FMN1: variants seen among roughly 807,000 people sequenced by gnomAD.
FMN1 encodes formin-1.
In FMN1, 110 loss-of-function variants were observed where a neutral mutation model predicts 132.4. The ratio of observed to expected loss-of-function variants is 0.83; its 90% confidence interval spans 0.71 to 0.97. The LOEUF (loss-of-function observed/expected upper bound fraction) is 0.97. Among genes scored for constraint, FMN1 ranks in the 50% least tolerant of loss-of-function variants. The pLI, the probability that FMN1 is intolerant of heterozygous loss-of-function variation, is 0.00. For synonymous variants in FMN1, 722 were observed against 651.7 expected (o/e 1.11, Z -1.64); for missense variants, 1,792 against 1,705.3 (o/e 1.05, Z -0.90).
At chr15:33,149,940 C>A (rs1964377407) in intron 4 of FMN1, 2 of 984,596 alleles carry the variant, frequency 2.0e-6, no homozygotes, top group Non-Finnish European at 1.2e-6. Flanking sequence ...TCATGTATGC[C>A]TCTTAACTCT....
chr15:33,068,890 C>T (rs1212016097), intron 5 of FMN1, among the ~76,000 whole-genome samples: 9 of 152,176 alleles, frequency 5.9e-5, no homozygotes, highest in Non-Finnish European at 1.0e-4. Flanking sequence ...CTGTGCCAAC[C>T]GCAGGCTTCT....
intron 6 of FMN1, among the ~76,000 whole-genome samples, chr15:33,018,596 G>A (rs570076883): frequency 2.6e-5 from 4 of 152,256 alleles, no homozygotes; most frequent in South Asian, 2.1e-4. Context: ...CCCTTCCCCC[G>A]TACCTTGTCC....
chr15:33,170,474 A>C (rs1290689514), intron 3 of FMN1, among the ~76,000 whole-genome samples: 2 of 152,000 alleles, frequency 1.3e-5, no homozygotes, highest in Non-Finnish European at 2.9e-5. Flanking sequence ...CAGCCTGTTG[A>C]ATGGGAGAAA....
rs1035247726 is a variant in FMN1, at chr15:33,116,588, A to T, written c.1868-27614T>A. ...TTAGTTTGTCGAAAGTTTTTTTTTT[A>T]ATTTTTTAACACCTCCCAGGCTTAA... On this transcript the variant is annotated intron_variant, in intron 4 of 20. Coordinates refer to ENST00000616417, the MANE Select transcript of FMN1 (RefSeq NM_001277313.2). Among the ~76,000 whole-genome samples, 4 of 151,610 alleles carry T rather than the reference A, an allele frequency of 2.6e-5. No homozygotes were observed. In the East Asian group the frequency reaches 5.8e-4, roughly 22 times the overall value.
At chr15:33,080,679 G>T (rs879692039) in intron 5 of FMN1, among the ~76,000 whole-genome samples, 18 of 152,108 alleles carry the variant, frequency 1.2e-4, no homozygotes, top group Non-Finnish European at 2.4e-4. Context: ...CTGAGGTTGG[G>T]AGTTCAAGAC....
chr15:32,917,556 G>T (rs1596268445), intron 10 of FMN1, among the ~76,000 whole-genome samples: 1 of 152,166 alleles, frequency 6.6e-6, no homozygotes, highest in Non-Finnish European at 1.5e-5. Flanking sequence ...TAAGTGTTTT[G>T]TATTTAATCA....
chr15:33,011,607 T>C (rs1306733712), intron 6 of FMN1, among the ~76,000 whole-genome samples: 1 of 152,114 alleles, frequency 6.6e-6, no homozygotes, highest in East Asian at 1.9e-4. Flanking sequence ...AACTTATTTT[T>C]CTTAAAATAT....
At chr15:33,104,484 G>A (rs1446587200) in intron 4 of FMN1, among the ~76,000 whole-genome samples, 3 of 130,216 alleles carry the variant, frequency 2.3e-5, no homozygotes, top group African/African-American at 1.0e-4. Context: ...CAGGAAGTTT[G>A]AAAGCCACAA....
At position 33,021,234 on chromosome 15, in the gene FMN1, C is replaced by A. The variant is rs1229836769; in HGVS notation, c.2162-13159G>T. Among the ~76,000 whole-genome samples the A allele has an allele frequency of 2.1e-5, 3 of 141,082 alleles. 1 individual carries two copies. In the South Asian group the frequency reaches 7.0e-4, roughly 33 times the overall value. The allele number at this position is 141,082 out of a possible 152,430, so 92.6% of individuals were successfully genotyped here. ...AAAAGCCCAAACCAGCTCAGCTGAA[C>A]CTTAGTTGACCTTTACACCTATGCT... On this transcript the variant is annotated intron_variant, in intron 6 of 20. Transcript: ENST00000616417.
chr15:33,188,281 G>A (rs1341164395), intron 2 of FMN1, among the ~76,000 whole-genome samples: 2 of 152,122 alleles, frequency 1.3e-5, no homozygotes, highest in Non-Finnish European at 2.9e-5. Context: ...CAGAGGTTGC[G>A]TTGAGCCAAG....
Position 33,153,301 on chromosome 15 carries a change from G to A in FMN1, c.1614C>T (p.Leu538=). 4 of 1,536,150 alleles carry A rather than the reference G, an allele frequency of 2.6e-6. No individual in the cohort carries two copies. Among genetic ancestry groups the A allele is most frequent in the South Asian group, 1.2e-5 (1 of 84,058 alleles). Reference sequence around the variant, plus strand: ...TCTCACCAGGCAATGCAGGGAGCCGGAGGATCCTGTGATGCTGCTGAGGGC... The same window carrying A: ...TCTCACCAGGCAATGCAGGGAGCCGAAGGATCCTGTGATGCTGCTGAGGGC... ...LPSPQQHHRI[L]RLPALPGERE... Residue 538 remains leucine, a synonymous_variant, in exon 4 of 21, where the codon CTC becomes CTT. Coordinates refer to ENST00000616417, the MANE Select transcript of FMN1 (RefSeq NM_001277313.2).
At chr15:32,792,769 C>T (rs2057134505) in intron 19 of FMN1, among the ~76,000 whole-genome samples, 1 of 152,160 alleles carries the variant, frequency 6.6e-6, no homozygotes, top group South Asian at 2.1e-4. Flanking sequence ...CAGTCCCCTT[C>T]CCACTGGCAG....
intron 17 of FMN1, among the ~76,000 whole-genome samples, chr15:32,825,997 A>G (rs2058355696): frequency 6.6e-6 from 1 of 152,250 alleles, no homozygotes; most frequent in African/African-American, 2.4e-5. Flanking sequence ...GAGGTCAAAC[A>G]ACAATGACAC....
intron 17 of FMN1, among the ~76,000 whole-genome samples, chr15:32,828,723 C>T (rs1450020865): frequency 6.6e-6 from 1 of 152,162 alleles, no homozygotes; most frequent in Non-Finnish European, 1.5e-5. Context: ...AGCCCTACCA[C>T]TTGGCTCATG....
chr15:32,925,641 T>G (rs2060941528), intron 10 of FMN1, among the ~76,000 whole-genome samples: 1 of 152,152 alleles, frequency 6.6e-6, no homozygotes. Context: ...TAACTATAAA[T>G]GAATGGATGA....
At chr15:32,933,872 C>T (rs1322860094) in intron 9 of FMN1, among the ~76,000 whole-genome samples, 1 of 152,028 alleles carries the variant, frequency 6.6e-6, no homozygotes, top group Non-Finnish European at 1.5e-5. Context: ...CAGCCTGTGT[C>T]CTTGAGTCTA....
intron 16 of FMN1, among the ~76,000 whole-genome samples, chr15:32,872,124 T>C (rs1271384159): frequency 6.6e-6 from 1 of 152,126 alleles, no homozygotes; most frequent in Non-Finnish European, 1.5e-5. Context: ...CAAAGCTGTC[T>C]GAACTTGGGG....
At chr15:32,781,156 TA>T (rs1286171115) in intron 19 of FMN1, among the ~76,000 whole-genome samples, 1 of 152,232 alleles carries the variant, frequency 6.6e-6, no homozygotes, top group Non-Finnish European at 1.5e-5. Context: ...CTATCTTTTA[TA>T]TTTTTATTTT....
In FMN1 at chr15:32,848,972, C is replaced by G. The variant is rs961041377; in HGVS notation, c.3928+8043G>C. ...TGAATATCAGTCTTGGGTTAGTTCT[C>G]TTTTGTTTTTTTTTTTTTTTTTTTT... is the stretch of plus-strand genomic sequence containing the variant. On this transcript the variant is annotated intron_variant, in intron 17 of 20. Transcript: ENST00000616417. Among the ~76,000 whole-genome samples the G allele has an allele frequency of 2.8e-4, 19 of 68,610 alleles. No homozygotes were observed. In the South Asian group the frequency reaches 2.9e-3, roughly 11 times the overall value. 45.0% of individuals were successfully genotyped at this position (68,610 alleles called of 152,430 possible).
Sources: gnomAD v4.1 joint callset for allele counts (sites outside exome capture counted in the v4.1 genomes callset) on GRCh38, gnomAD v4.1.1 for gene constraint, MANE v1.5 for transcripts, NCBI Gene and HGNC (gene_info 2026-07-23, HGNC 2026-07-21) for gene names.